The following NUP205 variants were observed in gnomAD, a reference collection of about 807,000 sequenced individuals.
NUP205 encodes the protein nuclear pore complex protein Nup205.
Under a neutral mutation model 253.8 loss-of-function variants are expected in NUP205, and 76 were observed. The observed-to-expected ratio is 0.30, with a 90% confidence interval of 0.25 to 0.36. The LOEUF is 0.36. Among genes scored for constraint, NUP205 ranks in the 10% least tolerant of loss-of-function variants. NUP205 has a pLI of 1.00. For synonymous variants in NUP205, 832 were observed against 850.1 expected (o/e 0.98, Z 0.37); for missense variants, 2,162 against 2,425.5 (o/e 0.89, Z 2.28).
intron 26 of NUP205, 33 bp from the exon 27 acceptor site, chr7:135,617,569 G>T: frequency 6.5e-7 from 1 of 1,531,996 alleles, no homozygotes; most frequent in South Asian, 1.1e-5. Context: ...TGTCTGAAAT[G>T]TCTTATTTTT....
At chr7:135,582,065 C>A (rs192044298) in intron 7 of NUP205, among the ~76,000 whole-genome samples, 1 of 152,212 alleles carries the variant, frequency 6.6e-6, no homozygotes, top group East Asian at 1.9e-4. Context: ...GTAGTCAGAT[C>A]ACTTGATGTC....
chr7:135,610,101 T>C (rs1794191118), intron 22 of NUP205, among the ~76,000 whole-genome samples: 2 of 152,220 alleles, frequency 1.3e-5, no homozygotes, highest in Admixed American at 1.3e-4. Context: ...TTTATTCATT[T>C]TTAAAAGAAT....
chr7:135,645,621 G>T, intron 41 of NUP205, 25 bp downstream of exon 41: 1 of 1,606,368 alleles, frequency 6.2e-7, no homozygotes, highest in South Asian at 1.1e-5. Flanking sequence ...AAAAATTAAT[G>T]AACCATAAAT....
intron 3 of NUP205, among the ~76,000 whole-genome samples, chr7:135,575,435 T>C (rs1471501445): frequency 1.3e-5 from 2 of 151,980 alleles, no homozygotes; most frequent in African/African-American, 4.8e-5. Flanking sequence ...GGAGGAGTAG[T>C]TGCAGTAAGG....
At chr7:135,623,613 T>G (rs1335028176) in intron 31 of NUP205, among the ~76,000 whole-genome samples, 2 of 152,242 alleles carry the variant, frequency 1.3e-5, no homozygotes, top group African/African-American at 2.4e-5. Context: ...TTTATATTTC[T>G]TGTACAGTAT....
At chr7:135,562,679 C>T (rs750287605) in intron 1 of NUP205, among the ~76,000 whole-genome samples, 12 of 151,080 alleles carry the variant, frequency 7.9e-5, no homozygotes, top group Non-Finnish European at 1.3e-4. Context: ...TCCTGAGTAG[C>T]TGGGACTACA....
Position 135,648,703 on chromosome 7 carries a change from C to A in NUP205, c.*147C>A. 2.0e-6 allele frequency: 1 copy of A among 491,056 alleles called. No homozygotes were observed. The highest frequency in any genetic ancestry group is 3.3e-6 in the Non-Finnish European group (1 of 299,726). The allele number at this position is 491,056 out of a possible 1,614,324, so 30.4% of individuals were successfully genotyped here. A position where few individuals can be genotyped will look rare whatever the true frequency, so the allele number is the denominator to read the frequency against. ...GACATCTTTTCTGTAAACTTCTTCC[C>A]CTAGTTCCATCCTCACTAGTAAAAA... On this transcript the variant is annotated 3_prime_UTR_variant, in exon 43 of 43. Coordinates refer to ENST00000285968, the MANE Select transcript of NUP205 (RefSeq NM_015135.3).
chr7:135,645,705 G>A, intron 41 of NUP205, 109 bp downstream of exon 41: 3 of 1,093,112 alleles, frequency 2.7e-6, no homozygotes, highest in Non-Finnish European at 2.6e-6. Context: ...AGTGAATTGG[G>A]TGAATCAAGA....
chr7:135,570,211 T>G (rs1459197793), intron 1 of NUP205, among the ~76,000 whole-genome samples: 1 of 151,974 alleles, frequency 6.6e-6, no homozygotes, highest in Non-Finnish European at 1.5e-5. Context: ...ATTTATTTAT[T>G]TAATTTTTAA....
At chr7:135,580,985 T>C (rs1255017474) in intron 7 of NUP205, among the ~76,000 whole-genome samples, 11 of 152,144 alleles carry the variant, frequency 7.2e-5, no homozygotes, top group Admixed American at 7.2e-4. Context: ...TTAATCTCTT[T>C]GATTTTATAT....
intron 31 of NUP205, among the ~76,000 whole-genome samples, chr7:135,624,496 C>A (rs1002448182): frequency 6.6e-6 from 1 of 152,204 alleles, no homozygotes; most frequent in East Asian, 1.9e-4. Context: ...TTGCCTCAGC[C>A]TTCCGAGTAG....
Position 135,577,993 on chromosome 7 carries a change from T to C in NUP205, c.846T>C (p.Ser282=). Residue 282 remains serine, a synonymous_variant, in exon 6 of 43, where the codon AGT becomes AGC. Transcript: ENST00000285968. ...LMALLYCFDI[S]FIEQSTEERD... is the part of the protein sequence containing the mutation. Reference sequence around the variant, plus strand: ...CGCTTCTATACTGTTTTGATATCAGTTTTATAGAGCAAAGCACAGAGGAAC... The same window carrying C: ...CGCTTCTATACTGTTTTGATATCAGCTTTATAGAGCAAAGCACAGAGGAAC... 6.2e-7 allele frequency: 1 copy of C among 1,613,678 alleles called. No individual in the cohort carries two copies. The highest frequency in any genetic ancestry group is 8.5e-7 in the Non-Finnish European group (1 of 1,179,636).
intron 1 of NUP205, among the ~76,000 whole-genome samples, chr7:135,559,686 C>CT (rs548329072): frequency 0.011 from 1,585 of 137,952 alleles, 32 homozygotes; most frequent in African/African-American, 0.033. Context: ...ATTTATTTTC[C>CT]TTTTTTTTTT....
rs1007155502 is a variant in NUP205 at position 135,606,912 on chromosome 7, C to T, written c.3067C>T (p.Pro1023Ser). Residue 1023 changes from proline (P) to serine (S), a missense_variant, in exon 21 of 43, where the codon CCA (proline) becomes TCA (serine). By Grantham distance (74) the Pro-to-Ser change is moderately conservative (BLOSUM62 -1). This residue lies in a region of NUP205 where 1,144 missense variants were observed against 1,280.9 expected (regional missense o/e 0.89). Transcript: ENST00000285968. ...KPVSTTNLQD[P>S]GVLGCPRTCL... is the part of the protein sequence containing the mutation. The stretch of plus-strand genomic sequence containing the variant: ...TGTCAGTACTACAAACCTACAAGAT[C>T]CAGGTATAGCCTAAGACATAAAGGC... 8 of 1,613,236 alleles carry T rather than the reference C, an allele frequency of 5.0e-6. No homozygotes were observed. In the African/African-American group the frequency reaches 1.1e-4, roughly 22 times the overall value.
Position 135,584,862 on chromosome 7 carries a change from C to T in NUP205, c.1073C>T (p.Ala358Val), listed in dbSNP as rs139502310. 8.1e-5 allele frequency: 131 copies of T among 1,614,060 alleles called. No individual in the cohort carries two copies. The highest frequency in any genetic ancestry group is 1.1e-4 in the Non-Finnish European group (124 of 1,179,976). ...GCAGAATTCACAGAGGCAGATGAAG[C>T]AATGGCAGAACTCGCAATTGCTGAC... ...ALAEFTEADE[A>V]MAELAIADNV... is the part of the protein sequence containing the mutation. The change falls in exon 8 of 43, where the codon GCA becomes GTA. Residue 358 changes from alanine to valine, a missense_variant. Coordinates refer to ENST00000285968, the MANE Select transcript of NUP205 (RefSeq NM_015135.3).
At chr7:135,569,311 G>C (rs1336000167) in intron 1 of NUP205, among the ~76,000 whole-genome samples, 2 of 152,212 alleles carry the variant, frequency 1.3e-5, no homozygotes, top group Non-Finnish European at 2.9e-5. Flanking sequence ...GACCTCAGGT[G>C]ATCCGCCCGC....
At chr7:135,612,478 G>T (rs73725191) in intron 22 of NUP205, among the ~76,000 whole-genome samples, 1 of 152,138 alleles carries the variant, frequency 6.6e-6, no homozygotes. Flanking sequence ...TGCACTTAGG[G>T]ACAAGGCAGC....
intron 1 of NUP205, among the ~76,000 whole-genome samples, chr7:135,561,999 T>C (rs11767012): frequency 0.22 from 33,397 of 150,526 alleles, 4,289 homozygotes; most frequent in East Asian, 0.5. Flanking sequence ...CTCACTGCAG[T>C]CTCCACCTCC....
At chr7:135,610,512 G>GC (rs1794202693) in intron 22 of NUP205, among the ~76,000 whole-genome samples, 1 of 152,138 alleles carries the variant, frequency 6.6e-6, no homozygotes, top group African/African-American at 2.4e-5. Flanking sequence ...GAGCCACCGT[G>GC]CCCGGCCATA....
Sources: allele counts gnomAD v4.1 joint callset (sites outside exome capture counted in the v4.1 genomes callset), GRCh38; gene constraint gnomAD v4.1.1; regional missense constraint gnomAD v4.1.1; transcripts MANE v1.5; gene names NCBI Gene and HGNC (gene_info 2026-07-23, HGNC 2026-07-21).